The following DNM2 variants were observed in gnomAD, a reference collection of about 807,000 sequenced individuals.
DNM2 encodes the protein dynamin 2.
DNM2 carries 15 observed loss-of-function variants against 99.0 expected under a neutral mutation model. The ratio of observed to expected loss-of-function variants is 0.15; its 90% CI spans 0.10 to 0.23. The LOEUF (loss-of-function observed/expected upper bound fraction) is 0.23. Ranked by LOEUF, DNM2 falls within the 10% of genes least tolerant of loss-of-function variation. DNM2 has a pLI of 1.00. For missense variants in DNM2, 742 were observed against 1,189.4 expected, an observed-to-expected ratio of 0.62 and a Z score of 5.53; for synonymous variants, 525 against 481.2, an observed-to-expected ratio of 1.09 and a Z score of -1.19.
intron 1 of DNM2, among the ~76,000 whole-genome samples, chr19:10,736,516 C>G (rs917616441): frequency 8.5e-5 from 13 of 152,138 alleles, no homozygotes; most frequent in African/African-American, 2.9e-4. Context: ...GTTCCTTTGC[C>G]TCCACATATA....
rs1489550698 is a variant in DNM2 at position 10,764,827 on chromosome 19, T to A, written c.235+5016T>A. On this transcript the variant is annotated intron_variant, in intron 2 of 20. Transcript: ENST00000389253. This position sits in a 1 kb window ranked among gnomAD's most constrained non-coding sequence, Gnocchi z 4.1. ...GGTTCCCACTGCTTGGCCTCTGTGC[T>A]CACTGTGCTGCCTGCCTGGAACGCC... Among the ~76,000 whole-genome samples the A allele has an allele frequency of 6.6e-6, 1 of 152,214 alleles. No homozygotes were observed. Among genetic ancestry groups the A allele is most frequent in the Non-Finnish European group, 1.5e-5 (1 of 68,032 alleles).
At chr19:10,793,958 T>C in intron 8 of DNM2, 103 bp downstream of exon 8, 1 of 1,587,134 alleles carries the variant, frequency 6.3e-7, no homozygotes, top group Non-Finnish European at 8.6e-7. Flanking sequence ...AGCTCCTACC[T>C]CTAGGCCTGA....
intron 1 of DNM2, among the ~76,000 whole-genome samples, chr19:10,729,180 A>T (rs899042490): frequency 2.4e-5 from 3 of 125,294 alleles, no homozygotes; most frequent in African/African-American, 9.3e-5. Flanking sequence ...AAAAAAAAAA[A>T]AAAAAAAAAA....
chr19:10,823,832 C>T lies in DNM2; in HGVS notation c.1826C>T (p.Ser609Phe), dbSNP rs1444015801. The T allele has an allele frequency of 1.2e-6, 2 of 1,613,838 alleles. No individual in the cohort carries two copies. Among genetic ancestry groups the T allele is most frequent in the Non-Finnish European group, 1.7e-6 (2 of 1,180,010 alleles). The change falls in exon 17 of 21, where the codon TCC becomes TTC. Residue 609 changes from serine (S) to phenylalanine (F), a missense_variant. By Grantham distance (155) the Ser-to-Phe change is radical. Transcript: ENST00000389253. ...CGGCAGATCGAGCTGGCCTGTGACT[C>T]CCAGGAAGACGTGGACAGCTGGAAG... ...DLRQIELACDSQEDVDSWKAS... is the reference protein window; with the variant it reads ...DLRQIELACDFQEDVDSWKAS...
At chr19:10,757,870 G>A (rs940884385) in intron 1 of DNM2, among the ~76,000 whole-genome samples, 2 of 149,888 alleles carry the variant, frequency 1.3e-5, no homozygotes, top group African/African-American at 4.9e-5. Context: ...GCTTGAACCC[G>A]AGGCAGAGGT....
chr19:10,770,122 G>GC (rs1159433926), intron 2 of DNM2, among the ~76,000 whole-genome samples: 4 of 152,222 alleles, frequency 2.6e-5, no homozygotes, highest in Non-Finnish European at 5.9e-5. Flanking sequence ...TGGCCAGAGT[G>GC]CCGTAGTTTC....
chr19:10,804,350 GC>G (rs1029219793), intron 12 of DNM2, among the ~76,000 whole-genome samples: 4 of 152,048 alleles, frequency 2.6e-5, no homozygotes, highest in African/African-American at 9.7e-5. Context: ...TCCTTCTTGT[GC>G]TTGAATGTTC....
intron 1 of DNM2, among the ~76,000 whole-genome samples, chr19:10,741,218 C>G (rs886365549): frequency 3.9e-5 from 6 of 151,986 alleles, no homozygotes; most frequent in African/African-American, 7.2e-5. Context: ...AAGTCTCCAA[C>G]TTTCTTTCTT....
chr19:10,729,893 C>G (rs1365149080), intron 1 of DNM2, among the ~76,000 whole-genome samples: 1 of 150,848 alleles, frequency 6.6e-6, no homozygotes, highest in Non-Finnish European at 1.5e-5. Context: ...GAACAGGTCT[C>G]ACTCTGTCAC....
intron 1 of DNM2, among the ~76,000 whole-genome samples, chr19:10,756,371 C>T (rs1195530243): frequency 1.3e-5 from 2 of 152,090 alleles, no homozygotes; most frequent in African/African-American, 4.8e-5. Context: ...GTCACCAGCA[C>T]CTCCCCAAGT....
Position 10,796,235 on chromosome 19 carries a change from T to G in DNM2, c.1196+796T>G, listed in dbSNP as rs1334336235. 1.2e-6 allele frequency: 2 copies of G among 1,613,428 alleles called. No individual in the cohort carries two copies. Among genetic ancestry groups the G allele is most frequent in the African/African-American group, 2.7e-5 (2 of 74,902 alleles). ...CTCGGCAGGGTGACTCCTGACCTTG[T>G]GGAAACGGGGGTACGGGGGTTTGGT... is the stretch of plus-strand genomic sequence containing the variant. On this transcript the variant is annotated intron_variant, in intron 9 of 20. Coordinates refer to ENST00000389253, the MANE Select transcript of DNM2 (RefSeq NM_001005361.3). The surrounding 1 kb of genome is among the most constrained non-coding windows in gnomAD (Gnocchi z 5.6).
chr19:10,795,799 C>T lies in DNM2; in HGVS notation c.1196+360C>T. On this transcript the variant is annotated intron_variant, in intron 9 of 20. Transcript: ENST00000389253. This position sits in a 1 kb window ranked among gnomAD's most constrained non-coding sequence, Gnocchi z 4.2. ...AGGGTTTTGGGAAGCCAGCATGAGT[C>T]CCCATCATGGCTTCCTCGTGAGCCT... 1.7e-6 allele frequency: 1 copy of T among 602,038 alleles called. No homozygotes were observed. Among genetic ancestry groups the T allele is most frequent in the Non-Finnish European group, 2.9e-6 (1 of 341,060 alleles). The allele number at this position is 602,038 out of a possible 1,614,324, so 37.3% of individuals were successfully genotyped here.
In DNM2 at chr19:10,795,953, A is replaced by G. The variant is rs2071916307; in HGVS notation, c.1196+514A>G. ...TCAGGCATCCGACCCCACACATGAC[A>G]CAACCTTCATTCCTTGTTGGGGACC... On this transcript the variant is annotated intron_variant, in intron 9 of 20. Coordinates refer to ENST00000389253, the MANE Select transcript of DNM2 (RefSeq NM_001005361.3). The surrounding 1 kb of genome is among the most constrained non-coding windows in gnomAD (Gnocchi z 4.2). The G allele has an allele frequency of 6.3e-7, 1 of 1,582,368 alleles. No individual in the cohort carries two copies. The highest frequency in any genetic ancestry group is 8.6e-7 in the Non-Finnish European group (1 of 1,162,854).
intron 1 of DNM2, among the ~76,000 whole-genome samples, chr19:10,725,214 G>A (rs1251247119): frequency 6.6e-6 from 1 of 152,204 alleles, no homozygotes; most frequent in Non-Finnish European, 1.5e-5. Flanking sequence ...TTGGGAGGCC[G>A]AGGCAGGCAG....
chr19:10,733,885 G>A (rs963508534), intron 1 of DNM2, among the ~76,000 whole-genome samples: 18 of 151,744 alleles, frequency 1.2e-4, no homozygotes, highest in Non-Finnish European at 1.5e-4. Flanking sequence ...ACATGTGCCT[G>A]TAGTCCCAGC....
chr19:10,750,188 A>G (rs149231524), intron 1 of DNM2, among the ~76,000 whole-genome samples: 55 of 152,250 alleles, frequency 3.6e-4, no homozygotes, highest in Middle Eastern at 6.8e-3. Flanking sequence ...AAATGATGCA[A>G]TAGTACTAGG....
intron 13 of DNM2, 132 bp downstream of exon 13, chr19:10,806,099 C>G (rs1191821987): frequency 8.8e-7 from 1 of 1,130,448 alleles, no homozygotes; most frequent in Non-Finnish European, 1.3e-6. Flanking sequence ...GCCATCTGCT[C>G]TCTCTAGAGG....
At chr19:10,821,330 G>A (rs2072961786) in intron 16 of DNM2, among the ~76,000 whole-genome samples, 1 of 152,148 alleles carries the variant, frequency 6.6e-6, no homozygotes, top group African/African-American at 2.4e-5. Context: ...TCTTTTAAGA[G>A]CAGGTTCAGG....
chr19:10,753,265 T>C (rs2070262440), intron 1 of DNM2, among the ~76,000 whole-genome samples: 1 of 152,162 alleles, frequency 6.6e-6, no homozygotes, highest in Admixed American at 6.6e-5. Context: ...AATTCAAAGA[T>C]GTCGGAAAAC....
Sources: gnomAD v4.1 joint callset for allele counts (sites outside exome capture counted in the v4.1 genomes callset) on GRCh38, gnomAD v4.1.1 for gene constraint, Gnocchi (gnomAD v3.1) non-coding constraint, MANE v1.5 for transcripts, NCBI Gene and HGNC (gene_info 2026-07-23, HGNC 2026-07-21) for gene names.